THSD4: variants seen among roughly 807,000 people sequenced by gnomAD.
The protein encoded by THSD4 is thrombospondin type-1 domain-containing protein 4.
In THSD4, 69 loss-of-function variants were observed where a neutral mutation model predicts 119.0. The observed-to-expected ratio is 0.58, with a 90% confidence interval of 0.48 to 0.71. The LOEUF (loss-of-function observed/expected upper bound fraction) is 0.71, where lower values mean the gene tolerates loss of function less well. Ranked by LOEUF, THSD4 falls within the 30% of genes least tolerant of loss-of-function variation. THSD4 has a pLI of 0.00. For missense variants in THSD4, 1,393 were observed against 1,391.1 expected, an observed-to-expected ratio of 1.00 and a Z score of -0.02; for synonymous variants, 524 against 540.4, an observed-to-expected ratio of 0.97 and a Z score of 0.42.
At chr15:71,621,820 G>T (rs1157867486) in intron 7 of THSD4, among the ~76,000 whole-genome samples, 1 of 152,194 alleles carries the variant, frequency 6.6e-6, no homozygotes, top group Non-Finnish European at 1.5e-5. Flanking sequence ...CTCAGTAATA[G>T]AGGAGATATT....
At chr15:71,650,557 T>A (rs1381841938) in intron 7 of THSD4, among the ~76,000 whole-genome samples, 1 of 152,164 alleles carries the variant, frequency 6.6e-6, no homozygotes, top group Non-Finnish European at 1.5e-5. Context: ...AACTCCTCCC[T>A]TCTCAGGCCC....
At chr15:71,228,823 C>T (rs139705145) in intron 4 of THSD4, among the ~76,000 whole-genome samples, 14 of 152,312 alleles carry the variant, frequency 9.2e-5, no homozygotes, top group African/African-American at 3.4e-4. Flanking sequence ...TCCAAGCACA[C>T]AATATATTTT....
At chr15:71,487,354 T>G (rs2047838522) in intron 7 of THSD4, among the ~76,000 whole-genome samples, 1 of 152,254 alleles carries the variant, frequency 6.6e-6, no homozygotes. Context: ...GAATGGCTTT[T>G]GCTAACAGCT....
chr15:71,545,831 A>G (rs10851846), intron 7 of THSD4, among the ~76,000 whole-genome samples: 117,181 of 152,006 alleles, frequency 0.77, 45,419 homozygotes, highest in East Asian at 0.95. Flanking sequence ...CCTGTCCCCC[A>G]CCAAAAAACT....
chr15:71,562,904 A>T (rs1475268643), intron 7 of THSD4, among the ~76,000 whole-genome samples: 1 of 152,020 alleles, frequency 6.6e-6, no homozygotes, highest in South Asian at 2.1e-4. Flanking sequence ...GGGTTTCGCC[A>T]TGTTAGCCAG....
At chr15:71,408,514 T>A (rs2046638107) in intron 6 of THSD4, among the ~76,000 whole-genome samples, 1 of 152,258 alleles carries the variant, frequency 6.6e-6, no homozygotes, top group East Asian at 1.9e-4. Flanking sequence ...ATAACAGACA[T>A]GAGCCACTGT....
intron 6 of THSD4, among the ~76,000 whole-genome samples, chr15:71,326,419 G>A (rs58976954): frequency 0.011 from 1,708 of 151,754 alleles, 44 homozygotes; most frequent in African/African-American, 0.038. Context: ...GCTCATGCCT[G>A]TAATCCCAGC....
intron 16 of THSD4, among the ~76,000 whole-genome samples, chr15:71,768,550 G>A (rs1235845079): frequency 2.7e-5 from 4 of 147,106 alleles, no homozygotes; most frequent in South Asian, 2.2e-4. Context: ...CAGACCTGAC[G>A]CAGATCCTGA....
chr15:71,698,771 A>T (rs1181707096), intron 8 of THSD4, among the ~76,000 whole-genome samples: 1 of 151,996 alleles, frequency 6.6e-6, no homozygotes, highest in Non-Finnish European at 1.5e-5. Flanking sequence ...TTGTGACAAC[A>T]TGGGTGAACC....
intron 7 of THSD4, among the ~76,000 whole-genome samples, chr15:71,528,862 A>G (rs149300578): frequency 6.6e-6 from 1 of 152,342 alleles, no homozygotes; most frequent in East Asian, 1.9e-4. Context: ...GCTATCCATG[A>G]TCAATTTATT....
At chr15:71,486,619 T>G (rs1219109408) in intron 7 of THSD4, among the ~76,000 whole-genome samples, 11 of 50,902 alleles carry the variant, frequency 2.2e-4, no homozygotes, top group African/African-American at 3.6e-4. Flanking sequence ...CTGTTTTTTT[T>G]TTTTTTTTTT....
chr15:71,315,395 C>G (rs2045172662), intron 6 of THSD4, among the ~76,000 whole-genome samples: 1 of 152,232 alleles, frequency 6.6e-6, no homozygotes, highest in African/African-American at 2.4e-5. Context: ...TCACCTCTCT[C>G]TAGGCTGTGG....
At chr15:71,216,540 G>T (rs150331231) in intron 4 of THSD4, among the ~76,000 whole-genome samples, 2 of 152,198 alleles carry the variant, frequency 1.3e-5, no homozygotes, top group Non-Finnish European at 2.9e-5. Flanking sequence ...GGACCATTTC[G>T]GGAAGAAGGG....
At chr15:71,714,504 A>T (rs755374766) in intron 8 of THSD4, among the ~76,000 whole-genome samples, 6 of 152,198 alleles carry the variant, frequency 3.9e-5, no homozygotes, top group Non-Finnish European at 5.9e-5. Context: ...AATAAAATTA[A>T]ATATAGCTAA....
intron 7 of THSD4, among the ~76,000 whole-genome samples, chr15:71,462,978 T>G (rs1490907843): frequency 6.6e-6 from 1 of 152,242 alleles, no homozygotes; most frequent in Non-Finnish European, 1.5e-5. Context: ...AAGATCTCAT[T>G]AGCTTTTTTG....
intron 6 of THSD4, among the ~76,000 whole-genome samples, chr15:71,370,104 A>T (rs1223747137): frequency 1.3e-5 from 2 of 151,944 alleles, no homozygotes; most frequent in African/African-American, 2.4e-5. Context: ...GGTAGTTTGT[A>T]TTTCTGTGGG....
At chr15:71,565,094 G>C (rs1470346016) in intron 7 of THSD4, among the ~76,000 whole-genome samples, 1 of 152,142 alleles carries the variant, frequency 6.6e-6, no homozygotes, top group Admixed American at 6.5e-5. Flanking sequence ...TTGGAATCTT[G>C]AATACAAGGA....
rs1340316531 is a variant in THSD4 at position 71,444,696 on chromosome 15, C to T, written c.1152+32873C>T. 3.3e-5 allele frequency among the ~76,000 whole-genome samples: 5 copies of T among 152,188 alleles called. No individual in the cohort carries two copies. In the South Asian group the frequency reaches 8.3e-4, roughly 25 times the overall value. ...GTCCCCATGACAGACCAGCTGGATG[C>T]CTTCTTCATTCCCACCTCTCCATGA... On this transcript the variant is annotated intron_variant, in intron 7 of 17. Coordinates refer to ENST00000261862, the MANE Select transcript of THSD4 (RefSeq NM_024817.3).
At chr15:71,583,748 A>C (rs1417956657) in intron 7 of THSD4, among the ~76,000 whole-genome samples, 1 of 152,056 alleles carries the variant, frequency 6.6e-6, no homozygotes. Flanking sequence ...TTCTAGTTTC[A>C]TACTATTTTG....
Sources: gnomAD v4.1 joint callset for allele counts (sites outside exome capture counted in the v4.1 genomes callset) on GRCh38, gnomAD v4.1.1 for gene constraint, MANE v1.5 for transcripts, NCBI Gene and HGNC (gene_info 2026-07-23, HGNC 2026-07-21) for gene names.